RBFOX1: variants seen among roughly 807,000 people sequenced by gnomAD.
RBFOX1 encodes the protein RNA binding protein fox-1 homolog 1.
Under a neutral mutation model 57.7 loss-of-function variants are expected in RBFOX1, and 8 were observed. The ratio of observed to expected loss-of-function variants is 0.14; its 90% confidence interval spans 0.08 to 0.25. The LOEUF is 0.25. RBFOX1 is among the 10% of genes least tolerant of loss of function. RBFOX1 has a pLI of 1.00. For missense variants in RBFOX1, 611 were observed against 548.5 expected (o/e 1.11, Z -1.14); for synonymous variants, 326 against 222.4 (o/e 1.47, Z -4.15).
At chr16:7,260,471 A>G (rs768595154) in intron 4 of RBFOX1, among the ~76,000 whole-genome samples, 4 of 150,552 alleles carry the variant, frequency 2.7e-5, no homozygotes, top group Non-Finnish European at 4.4e-5. Flanking sequence ...GCACTGTTTG[A>G]TTTTTTTTTT....
intron 4 of RBFOX1, among the ~76,000 whole-genome samples, chr16:7,353,996 G>A (rs186701207): frequency 6.6e-6 from 1 of 152,084 alleles, no homozygotes; most frequent in Non-Finnish European, 1.5e-5. Flanking sequence ...TTTGGAGACA[G>A]ACTCTTGCTC....
chr16:7,687,070 C>G (rs921078218), intron 14 of RBFOX1, among the ~76,000 whole-genome samples: 1 of 152,022 alleles, frequency 6.6e-6, no homozygotes, highest in African/African-American at 2.4e-5. Flanking sequence ...ATGTGTTCCC[C>G]CTTTTCAAAA....
intron 4 of RBFOX1, among the ~76,000 whole-genome samples, chr16:7,201,206 C>G (rs2088316259): frequency 6.6e-6 from 1 of 152,144 alleles, no homozygotes; most frequent in Non-Finnish European, 1.5e-5. Context: ...GGTATATGCA[C>G]CTCTCAGGGA....
intron 4 of RBFOX1, among the ~76,000 whole-genome samples, chr16:7,300,811 A>G (rs1479542029): frequency 6.6e-6 from 1 of 152,188 alleles, no homozygotes; most frequent in Non-Finnish European, 1.5e-5. Context: ...AGGAAGTTTC[A>G]TTTGAAGATG....
chr16:7,343,877 A>G (rs910464972), intron 4 of RBFOX1, among the ~76,000 whole-genome samples: 20 of 152,176 alleles, frequency 1.3e-4, no homozygotes, highest in African/African-American at 4.8e-4. Context: ...AAGGAACCAA[A>G]TCATGTAAAG....
At chr16:6,471,968 C>A (rs2095185422) in intron 2 of RBFOX1, among the ~76,000 whole-genome samples, 1 of 152,144 alleles carries the variant, frequency 6.6e-6, no homozygotes, top group African/African-American at 2.4e-5. Context: ...GGCTCTGGGG[C>A]CAAACAGACT....
At chr16:6,447,857 G>A (rs7186866) in intron 2 of RBFOX1, among the ~76,000 whole-genome samples, 3 of 152,108 alleles carry the variant, frequency 2.0e-5, no homozygotes, top group African/African-American at 4.8e-5. Context: ...AAAGACAGCC[G>A]TCCAATCGGA....
intron 14 of RBFOX1, among the ~76,000 whole-genome samples, chr16:7,691,298 G>T (rs1396565863): frequency 1.3e-5 from 2 of 151,580 alleles, no homozygotes; most frequent in African/African-American, 4.9e-5. Flanking sequence ...AGTCCCTTTT[G>T]TTCTGAAACT....
intron 1 of RBFOX1, among the ~76,000 whole-genome samples, chr16:5,417,370 G>T (rs546756970): frequency 6.6e-6 from 1 of 152,188 alleles, no homozygotes; most frequent in Admixed American, 6.5e-5. Context: ...AGTAAGTCTG[G>T]CAAAACAGGC....
intron 3 of RBFOX1, among the ~76,000 whole-genome samples, chr16:6,657,150 C>G (rs1049393317): frequency 6.7e-6 from 1 of 150,070 alleles, no homozygotes. Flanking sequence ...CTCCTCTTCT[C>G]TCCTCTTTTC....
intron 3 of RBFOX1, among the ~76,000 whole-genome samples, chr16:7,027,160 G>A (rs572860422): frequency 3.3e-5 from 5 of 152,256 alleles, no homozygotes; most frequent in South Asian, 2.1e-4. Flanking sequence ...CCCTCCTTAC[G>A]AGACTGAGTG....
intron 4 of RBFOX1, among the ~76,000 whole-genome samples, chr16:7,216,017 C>G (rs981720227): frequency 2.6e-5 from 4 of 152,096 alleles, no homozygotes; most frequent in African/African-American, 9.7e-5. Context: ...GCCACCGCGC[C>G]CAGCCTGGAT....
chr16:6,275,619 A>G (rs896766919), intron 1 of RBFOX1, among the ~76,000 whole-genome samples: 1 of 152,216 alleles, frequency 6.6e-6, no homozygotes, highest in African/African-American at 2.4e-5. Context: ...TAAAGTCTAT[A>G]TTTATTTCCA....
chr16:5,844,086 T>C (rs537934254), intron 3 of RBFOX1, among the ~76,000 whole-genome samples: 34 of 152,330 alleles, frequency 2.2e-4, no homozygotes, highest in Admixed American at 3.9e-4. Flanking sequence ...TAGTGATGGT[T>C]TGTTTTGCTG....
At chr16:7,444,136 A>C (rs912847641) in intron 4 of RBFOX1, among the ~76,000 whole-genome samples, 1 of 152,200 alleles carries the variant, frequency 6.6e-6, no homozygotes, top group South Asian at 2.1e-4. Flanking sequence ...CGTTATACTA[A>C]ACCAACATTA....
chr16:6,244,748 T>C (rs1001400566), intron 1 of RBFOX1, among the ~76,000 whole-genome samples: 4 of 152,166 alleles, frequency 2.6e-5, no homozygotes, highest in Non-Finnish European at 5.9e-5. Flanking sequence ...GACCTCGTGA[T>C]CCACCTTCCT....
At chr16:7,148,249 G>A (rs541815967) in intron 4 of RBFOX1, among the ~76,000 whole-genome samples, 1 of 152,134 alleles carries the variant, frequency 6.6e-6, no homozygotes, top group Admixed American at 6.5e-5. Context: ...AATGGAAGAA[G>A]TTTAAAGGCA....
At chr16:7,020,529 A>T (rs2038691473) in intron 3 of RBFOX1, among the ~76,000 whole-genome samples, 1 of 152,166 alleles carries the variant, frequency 6.6e-6, no homozygotes, top group Non-Finnish European at 1.5e-5. Context: ...AATCTAAAAT[A>T]TTTTCAAAAT....
chr16:7,510,990 C>T (rs1053398785), intron 4 of RBFOX1, among the ~76,000 whole-genome samples: 23 of 152,112 alleles, frequency 1.5e-4, no homozygotes, highest in African/African-American at 5.6e-4. Context: ...ATTCCAGATG[C>T]AGAAAGGGAG....
Sources: gnomAD v4.1 joint callset for allele counts (sites outside exome capture counted in the v4.1 genomes callset) on GRCh38, gnomAD v4.1.1 for gene constraint, MANE v1.5 for transcripts, NCBI Gene and HGNC (gene_info 2026-07-23, HGNC 2026-07-21) for gene names.